Variants in PATE4 observed in about 807,000 individuals in gnomAD.
PATE4 encodes the protein prostate and testis expressed 4.
Under a neutral mutation model 8.5 loss-of-function variants are expected in PATE4, and 13 were observed. That is an observed-to-expected ratio of 1.53 (90% confidence interval 1.00 to 2.43). PATE4 has a LOEUF of 2.43. Among genes scored for constraint, PATE4 ranks in the 30% most tolerant of loss-of-function variants. PATE4 has a pLI of 0.00. For synonymous variants in PATE4, 47 were observed against 39.3 expected, an observed-to-expected ratio of 1.20 and a Z score of -0.73; for missense variants, 127 against 115.5, an observed-to-expected ratio of 1.10 and a Z score of -0.46.
At chr11:125,835,874 G>A (rs1193091460) in intron 1 of PATE4, 1 of 152,152 alleles carries the variant, frequency 6.6e-6, no homozygotes, top group Admixed American at 6.6e-5. Context: ...AGGAAACCAA[G>A]AAGAGAAATA....
chr11:125,834,181 TCTAA>T (rs1387525008), intron 1 of PATE4, among the ~76,000 whole-genome samples: 8 of 152,174 alleles, frequency 5.3e-5, no homozygotes. Flanking sequence ...GAAAGACCTT[TCTAA>T]CTATGACTCA....
At position 125,837,893 on chromosome 11, in the gene PATE4, C is replaced by A; in HGVS notation, c.84C>A (p.Cys28Ter). The A allele has an allele frequency of 6.4e-7, 1 of 1,551,272 alleles. No homozygotes were observed. The highest frequency in any genetic ancestry group is 8.7e-7 in the Non-Finnish European group (1 of 1,146,608). Residue 28 changes from cysteine to a stop codon, truncating the protein, a stop_gained, in exon 2 of 3, where the codon TGC (cysteine) becomes TGA (stop). Transcript: ENST00000457514. LOFTEE classifies it high-confidence loss of function. Reference protein sequence around the residue: ...KEVMGLKCNTCIYTEGWKCMA... With the variant: ...KEVMGLKCNT ...TTATGGGTCTGAAGTGTAATACCTG[C>A]ATATACACAGAAGGATGGAAGTGTA...
chr11:125,837,378 G>T (rs1211679321), intron 1 of PATE4, among the ~76,000 whole-genome samples: 1 of 152,078 alleles, frequency 6.6e-6, no homozygotes, highest in Non-Finnish European at 1.5e-5. Flanking sequence ...CTCTAAACAT[G>T]CCGTTTTCAT....
intron 2 of PATE4, 140 bp from the exon 3 acceptor site, chr11:125,838,166 A>T: frequency 9.3e-7 from 1 of 1,077,036 alleles, no homozygotes; most frequent in Non-Finnish European, 1.3e-6. Flanking sequence ...AGAGCCAGTT[A>T]CGGTGGCGAT....
rs1943931743 is a variant in PATE4, at chr11:125,837,896, A to C, written c.87A>C (p.Ile29=). The stretch of plus-strand genomic sequence containing the variant: ...TGGGTCTGAAGTGTAATACCTGCAT[A>C]TACACAGAAGGATGGAAGTGTATGG... ...EVMGLKCNTC[I]YTEGWKCMAG... is the part of the protein sequence containing the mutation. Residue 29 remains isoleucine, a synonymous_variant, in exon 2 of 3, where the codon ATA becomes ATC. Coordinates refer to ENST00000457514, the MANE Select transcript of PATE4 (RefSeq NM_001144874.1). 1.9e-6 allele frequency: 3 copies of C among 1,551,548 alleles called. No homozygotes were observed. The highest frequency in any genetic ancestry group is 2.7e-5 in the African/African-American group (2 of 73,160).
intron 1 of PATE4, among the ~76,000 whole-genome samples, chr11:125,837,060 A>G (rs956068015): frequency 1.3e-5 from 2 of 152,260 alleles, no homozygotes; most frequent in African/African-American, 4.8e-5. Flanking sequence ...AAAATTGGAC[A>G]TAAATCAATA....
intron 1 of PATE4, chr11:125,834,948 T>C (rs1351628560): frequency 6.6e-6 from 1 of 152,114 alleles, no homozygotes; most frequent in Non-Finnish European, 1.5e-5. Context: ...ATACTGAAAA[T>C]CAATCTAAAA....
Position 125,838,398 on chromosome 11 carries a change from T to A in PATE4, c.268T>A (p.Cys90Ser), listed in dbSNP as rs12224646. The A allele has an allele frequency of 3.9e-5, 60 of 1,550,544 alleles. No homozygotes were observed. Among genetic ancestry groups the A allele is most frequent in the Non-Finnish European group, 4.9e-5 (56 of 1,146,650 alleles). Residue 90 changes from cysteine (C) to serine (S), a missense_variant, in exon 3 of 3, where the codon TGT becomes AGT. Physicochemically the swap from Cys to Ser is moderately radical, Grantham distance 112. Coordinates refer to ENST00000457514, the MANE Select transcript of PATE4 (RefSeq NM_001144874.1). Reference protein sequence around the residue: ...KRGLLRVTLCCDRNFCNVF With the variant: ...KRGLLRVTLCSDRNFCNVF ...AGGCCTGTTGAGAGTGACACTGTGC[T>A]GTGACAGAAACTTCTGTAATGTCTT...
chr11:125,837,212 G>A (rs560950387), intron 1 of PATE4, among the ~76,000 whole-genome samples: 4 of 152,098 alleles, frequency 2.6e-5, no homozygotes, highest in East Asian at 1.9e-4. Context: ...CTCCAATGTC[G>A]TCTCCCTACC....
chr11:125,838,406 A>G lies in PATE4; in HGVS notation c.276A>G (p.Arg92=). The G allele has an allele frequency of 6.5e-7, 1 of 1,549,670 alleles. No individual in the cohort carries two copies. Among genetic ancestry groups the G allele is most frequent in the Non-Finnish European group, 8.7e-7 (1 of 1,146,508 alleles). The stretch of plus-strand genomic sequence containing the variant: ...TGAGAGTGACACTGTGCTGTGACAG[A>G]AACTTCTGTAATGTCTTCTAATGGA... The part of the protein sequence containing the change: ...GLLRVTLCCD[R]NFCNVF Residue 92 remains arginine (R), a synonymous_variant, in exon 3 of 3, where the codon AGA becomes AGG. Transcript: ENST00000457514.
At chr11:125,833,929 T>G (rs1373449102) in intron 1 of PATE4, among the ~76,000 whole-genome samples, 1 of 152,210 alleles carries the variant, frequency 6.6e-6, no homozygotes, top group African/African-American at 2.4e-5. Context: ...TGAGCTTCAG[T>G]CTTTCATCAA....
At chr11:125,834,756 G>C (rs772581865) in intron 1 of PATE4, among the ~76,000 whole-genome samples, 1 of 152,060 alleles carries the variant, frequency 6.6e-6, no homozygotes, top group Non-Finnish European at 1.5e-5. Context: ...ATATCAAAAA[G>C]TGCAAATAAC....
chr11:125,838,116 A>G (rs892703611), intron 2 of PATE4, 132 bp downstream of exon 2: 4 of 989,090 alleles, frequency 4.0e-6, no homozygotes, highest in Non-Finnish European at 5.9e-6. Flanking sequence ...GGGGGCAAGA[A>G]GGGATAATTT....
chr11:125,838,449 G>A lies in PATE4; in HGVS notation c.*22G>A. 3 of 1,527,988 alleles carry A rather than the reference G, an allele frequency of 2.0e-6. No homozygotes were observed. The highest frequency in any genetic ancestry group is 2.6e-6 in the Non-Finnish European group (3 of 1,140,250). The allele number at this position is 1,527,988 out of a possible 1,614,324, so 94.7% of individuals were successfully genotyped here. ...CTAATGGAGCTTAGGAACTTGCAGA[G>A]GATCATCTGATCAAGATCCAGAATC... On this transcript the variant is annotated 3_prime_UTR_variant, in exon 3 of 3. Coordinates refer to ENST00000457514, the MANE Select transcript of PATE4 (RefSeq NM_001144874.1).
intron 1 of PATE4, among the ~76,000 whole-genome samples, 188 bp downstream of exon 1, chr11:125,833,605 A>G (rs1943901867): frequency 6.6e-6 from 1 of 152,182 alleles, no homozygotes; most frequent in South Asian, 2.1e-4. Flanking sequence ...GATTGCAGGG[A>G]AACAGGACAA....
chr11:125,838,111 C>A, intron 2 of PATE4, 127 bp downstream of exon 2: 1 of 981,966 alleles, frequency 1.0e-6, no homozygotes, highest in Non-Finnish European at 1.5e-6. Context: ...AAAGAGGGGG[C>A]AAGAAGGGAT....
Position 125,837,884 on chromosome 11 carries a change from T to C in PATE4, c.75T>C (p.Cys25=), listed in dbSNP as rs1377430685. ...LYLKEVMGLK[C]NTCIYTEGWK... ...ACCCTGCAGTTATGGGTCTGAAGTGTAATACCTGCATATACACAGAAGGAT... is the reference window on the plus strand; with the variant it reads ...ACCCTGCAGTTATGGGTCTGAAGTGCAATACCTGCATATACACAGAAGGAT... Residue 25 remains cysteine, a synonymous_variant, in exon 2 of 3, where the codon TGT becomes TGC. Transcript: ENST00000457514. The C allele has an allele frequency of 1.9e-6, 3 of 1,551,178 alleles. No individual in the cohort carries two copies. The highest frequency in any genetic ancestry group is 2.6e-6 in the Non-Finnish European group (3 of 1,146,668).
In PATE4 at chr11:125,840,065, T is replaced by C. The variant is rs913292456; in HGVS notation, c.*1638T>C. 2.6e-5 allele frequency: 4 copies of C among 152,226 alleles called. No individual in the cohort carries two copies. The highest frequency in any genetic ancestry group is 9.6e-5 in the African/African-American group (4 of 41,456). The allele number at this position is 152,226 out of a possible 1,614,324, so 9.4% of individuals were successfully genotyped here. On this transcript the variant is annotated 3_prime_UTR_variant, in exon 3 of 3. Coordinates refer to ENST00000457514, the MANE Select transcript of PATE4 (RefSeq NM_001144874.1). Reference sequence around the variant, plus strand: ...TTAAGTAAAGATCCAGTATTATTTTTCTCCATAGAATGAGTCAGATTTTTT... The same window carrying C: ...TTAAGTAAAGATCCAGTATTATTTTCCTCCATAGAATGAGTCAGATTTTTT...
rs1425541488 is a variant in PATE4, at chr11:125,837,964, C to A, written c.155C>A (p.Ser52Ter). 1 of 1,551,412 alleles carries A rather than the reference C, an allele frequency of 6.4e-7. No homozygotes were observed. Among genetic ancestry groups the A allele is most frequent in the Non-Finnish European group, 8.7e-7 (1 of 1,146,774 alleles). The change falls in exon 2 of 3, where the codon TCA (serine) becomes TAA (stop). Residue 52 changes from serine (S) to a stop codon, truncating the protein, a stop_gained. Transcript: ENST00000457514. LOFTEE classifies it low-confidence loss of function (END_TRUNC). ...TCIAKENELC[S>*]TTAYFRGDKH... ...ATTGCAAAAGAAAATGAGTTATGTT[C>A]AACAACAGCCTATTTCAGGGGTAAG...
Sources: allele counts gnomAD v4.1 joint callset (sites outside exome capture counted in the v4.1 genomes callset), GRCh38; gene constraint gnomAD v4.1.1; transcripts MANE v1.5; gene names NCBI Gene and HGNC (gene_info 2026-07-23, HGNC 2026-07-21).